The following ADGRG6 variants were observed in gnomAD, a reference collection of about 807,000 sequenced individuals.
ADGRG6 encodes G-protein coupled receptor 126.
ADGRG6 carries 84 observed loss-of-function variants against 142.4 expected under a neutral mutation model. The observed-to-expected ratio is 0.59, with a 90% CI of 0.49 to 0.71. ADGRG6 has a LOEUF of 0.71. Ranked by LOEUF, ADGRG6 falls within the 30% of genes least tolerant of loss-of-function variation. The pLI, the probability that ADGRG6 is intolerant of heterozygous loss-of-function variation, is 0.00. For synonymous variants in ADGRG6, 521 were observed against 520.5 expected, an observed-to-expected ratio of 1.00 and a Z score of -0.01; for missense variants, 1,367 against 1,466.6, an observed-to-expected ratio of 0.93 and a Z score of 1.11.
intron 2 of ADGRG6, among the ~76,000 whole-genome samples, chr6:142,338,037 T>TTTGTTTTTTTTTC (rs1299489639): frequency 8.2e-6 from 1 of 121,704 alleles, no homozygotes; most frequent in African/African-American, 3.0e-5. Context: ...TTTTTTTTTT[T>TTTGTTTTTTTTTC]TGAGACGGAG....
intron 21 of ADGRG6, among the ~76,000 whole-genome samples, chr6:142,419,228 A>C (rs566502834): frequency 6.6e-6 from 1 of 152,166 alleles, no homozygotes; most frequent in Non-Finnish European, 1.5e-5. Context: ...GTGGCTAAAA[A>C]TGTCAGGGCC....
intron 4 of ADGRG6, among the ~76,000 whole-genome samples, chr6:142,377,598 C>T (rs1781564707): frequency 6.6e-6 from 1 of 152,192 alleles, no homozygotes; most frequent in African/African-American, 2.4e-5. Context: ...TTCTGGTAGC[C>T]TCGAAAATCA....
intron 2 of ADGRG6, among the ~76,000 whole-genome samples, chr6:142,346,894 A>T (rs1284891596): frequency 6.7e-6 from 1 of 149,320 alleles, no homozygotes; most frequent in Non-Finnish European, 1.5e-5. Flanking sequence ...GGGCTAGGGG[A>T]GGGATACTAT....
Position 142,302,213 on chromosome 6 carries a change from C to A in ADGRG6, c.-117C>A. On this transcript the variant is annotated 5_prime_UTR_variant, in exon 1 of 25. Transcript: ENST00000367609. ...AGAAACGGCGTAAAGGAGGGTCCCGCCGCGGCGCAGGGCTGGGGCGCCTGG... is the reference window on the plus strand; with the variant it reads ...AGAAACGGCGTAAAGGAGGGTCCCGACGCGGCGCAGGGCTGGGGCGCCTGG... The A allele has an allele frequency of 8.3e-7, 1 of 1,202,282 alleles. No homozygotes were observed. The highest frequency in any genetic ancestry group is 1.2e-6 in the Non-Finnish European group (1 of 856,862). 74.5% of individuals were successfully genotyped at this position (1,202,282 alleles called of 1,614,324 possible). A position where few individuals can be genotyped will look rare whatever the true frequency, so the allele number is the denominator to read the frequency against.
intron 18 of ADGRG6, among the ~76,000 whole-genome samples, chr6:142,412,472 A>G (rs1562376665): frequency 6.6e-6 from 1 of 152,174 alleles, no homozygotes; most frequent in Admixed American, 6.5e-5. Context: ...TCACAAATCT[A>G]CTCAGCCTAT....
At chr6:142,390,423 C>T (rs959327285) in intron 7 of ADGRG6, 80 bp downstream of exon 7, 7 of 726,938 alleles carry the variant, frequency 9.6e-6, no homozygotes, top group Middle Eastern at 2.5e-4. Context: ...TAACTGAATC[C>T]ACAGATCATA....
chr6:142,440,362 T>C (rs978182198), intron 24 of ADGRG6, among the ~76,000 whole-genome samples: 1 of 151,850 alleles, frequency 6.6e-6, no homozygotes, highest in Non-Finnish European at 1.5e-5. Context: ...ACACTCACGG[T>C]AGAGGCTTAC....
At chr6:142,371,352 A>T (rs560754737) in intron 4 of ADGRG6, among the ~76,000 whole-genome samples, 125 of 152,116 alleles carry the variant, frequency 8.2e-4, no homozygotes, top group Non-Finnish European at 1.5e-3. Flanking sequence ...TTTAAAATAG[A>T]GATGGGGTTT....
At chr6:142,330,241 T>C (rs1211438965) in intron 2 of ADGRG6, among the ~76,000 whole-genome samples, 1 of 152,044 alleles carries the variant, frequency 6.6e-6, no homozygotes, top group Non-Finnish European at 1.5e-5. Flanking sequence ...AAATAACTAA[T>C]GGGCTTAATA....
At chr6:142,375,592 T>A (rs1781462968) in intron 4 of ADGRG6, among the ~76,000 whole-genome samples, 1 of 152,202 alleles carries the variant, frequency 6.6e-6, no homozygotes, top group East Asian at 1.9e-4. Flanking sequence ...CCTTTCATTT[T>A]TTTTCCAGGA....
At chr6:142,355,203 T>G (rs143006815) in intron 2 of ADGRG6, among the ~76,000 whole-genome samples, 2,129 of 152,256 alleles carry the variant, frequency 0.014, 51 homozygotes, top group African/African-American at 0.048. Context: ...ATTGGCATTT[T>G]TTTTTGAAAT....
intron 2 of ADGRG6, among the ~76,000 whole-genome samples, chr6:142,354,248 A>G (rs1031585534): frequency 1.3e-5 from 2 of 152,144 alleles, no homozygotes; most frequent in East Asian, 3.9e-4. Flanking sequence ...GCGTGGTGGC[A>G]CGCGCCTGTA....
intron 22 of ADGRG6, among the ~76,000 whole-genome samples, chr6:142,434,654 G>A (rs951541045): frequency 1.3e-5 from 2 of 152,078 alleles, no homozygotes; most frequent in Admixed American, 1.3e-4. Context: ...TCATCTACTT[G>A]AAATCAATGA....
chr6:142,431,353 G>A (rs1344498311), intron 22 of ADGRG6, among the ~76,000 whole-genome samples: 1 of 152,050 alleles, frequency 6.6e-6, no homozygotes, highest in East Asian at 1.9e-4. Flanking sequence ...AGGCTAAAAT[G>A]CACCAAAAAA....
chr6:142,443,750 AG>A lies in ADGRG6; in HGVS notation c.*236del. 1 of 381,742 alleles carries A rather than the reference AG, an allele frequency of 2.6e-6. No homozygotes were observed. Among genetic ancestry groups the A allele is most frequent in the South Asian group, 4.8e-5 (1 of 20,736 alleles). The allele number at this position is 381,742 out of a possible 1,614,324, so 23.6% of individuals were successfully genotyped here. A position where few individuals can be genotyped will look rare whatever the true frequency, so the allele number is the denominator to read the frequency against. On this transcript the variant is annotated 3_prime_UTR_variant, in exon 25 of 25. Transcript: ENST00000367609. ...GAGAGTAACATGACTCAGTAGCCAC[AG>A]AAGCTATGATTTGTAAAATATATAA... is the stretch of plus-strand genomic sequence containing the variant.
chr6:142,405,659 T>C, intron 14 of ADGRG6, 29 bp from the exon 15 acceptor site: 1 of 1,570,808 alleles, frequency 6.4e-7, no homozygotes, highest in Non-Finnish European at 8.7e-7. Flanking sequence ...TATGATTACT[T>C]GACCAATATA....
chr6:142,422,992 G>A (rs1185112384), intron 22 of ADGRG6, among the ~76,000 whole-genome samples: 8 of 152,142 alleles, frequency 5.3e-5, no homozygotes, highest in Admixed American at 1.3e-4. Context: ...CATGTCCTTC[G>A]CCCAGTTTTT....
intron 14 of ADGRG6, 80 bp from the exon 15 acceptor site, chr6:142,405,608 C>A: frequency 8.6e-7 from 1 of 1,156,500 alleles, no homozygotes; most frequent in Non-Finnish European, 1.3e-6. Context: ...ATTGTTCACT[C>A]GCCTAACTAT....
chr6:142,389,476 A>G (rs1774760934), intron 6 of ADGRG6, among the ~76,000 whole-genome samples: 1 of 151,894 alleles, frequency 6.6e-6, no homozygotes, highest in Non-Finnish European at 1.5e-5. Flanking sequence ...TAAAGCACCC[A>G]TTTACAGCTA....
Sources: gnomAD v4.1 joint callset for allele counts (sites outside exome capture counted in the v4.1 genomes callset) on GRCh38, gnomAD v4.1.1 for gene constraint, MANE v1.5 for transcripts, NCBI Gene and HGNC (gene_info 2026-07-23, HGNC 2026-07-21) for gene names.